Variants in CACNB2 observed in about 807,000 individuals in gnomAD.
The protein encoded by CACNB2 is calcium voltage-gated channel auxiliary subunit beta 2, also known as voltage-dependent L-type calcium channel subunit beta-2.
Under a neutral mutation model 73.3 loss-of-function variants are expected in CACNB2, and 42 were observed. The ratio of observed to expected loss-of-function variants is 0.57; its 90% CI spans 0.45 to 0.74. The LOEUF (loss-of-function observed/expected upper bound fraction) is 0.74. CACNB2 is among the 30% of genes least tolerant of loss of function. The probability of loss-of-function intolerance (pLI) is 0.00; values close to 1 mark genes in which losing one functional copy is unlikely to be tolerated. For synonymous variants in CACNB2, 348 were observed against 310.3 expected, an observed-to-expected ratio of 1.12 and a Z score of -1.28; for missense variants, 940 against 853.0, an observed-to-expected ratio of 1.10 and a Z score of -1.27.
intron 9 of CACNB2, among the ~76,000 whole-genome samples, chr10:18,523,641 T>C (rs1489603245): frequency 6.6e-6 from 1 of 152,204 alleles, no homozygotes; most frequent in Non-Finnish European, 1.5e-5. Flanking sequence ...TTAAAAGCTG[T>C]GTACAAATTT....
intron 3 of CACNB2, among the ~76,000 whole-genome samples, chr10:18,459,892 G>A (rs763679681): frequency 6.6e-6 from 1 of 152,126 alleles, no homozygotes; most frequent in Non-Finnish European, 1.5e-5. Flanking sequence ...CAGCTACTCG[G>A]GAGGCTGAGG....
chr10:18,293,613 AGTT>A lies in CACNB2; in HGVS notation c.214-108306_214-108304del, dbSNP rs2039157220. 2.6e-5 allele frequency among the ~76,000 whole-genome samples: 4 copies of A among 152,324 alleles called. No homozygotes were observed. The South Asian group carries it at 8.3e-4, about 32-fold the overall frequency. The stretch of plus-strand genomic sequence containing the variant: ...ATGCTAATATTTTTTGAAAAGTTCA[AGTT>A]GTTGGCTAAAAATTTAGGAGCACTT... On this transcript the variant is annotated intron_variant, in intron 2 of 13. Transcript: ENST00000324631.
At chr10:18,163,823 G>C (rs1235647423) in intron 2 of CACNB2, among the ~76,000 whole-genome samples, 1 of 152,146 alleles carries the variant, frequency 6.6e-6, no homozygotes, top group African/African-American at 2.4e-5. Flanking sequence ...GAGAGACCAG[G>C]ACCCCAGAGC....
At chr10:18,495,086 C>G (rs995223617) in intron 3 of CACNB2, among the ~76,000 whole-genome samples, 3 of 152,022 alleles carry the variant, frequency 2.0e-5, no homozygotes, top group African/African-American at 7.3e-5. Flanking sequence ...CTCTGGGACT[C>G]CATCCTAAGA....
At chr10:18,452,299 A>G (rs2047055316) in intron 3 of CACNB2, among the ~76,000 whole-genome samples, 1 of 152,100 alleles carries the variant, frequency 6.6e-6, no homozygotes, top group African/African-American at 2.4e-5. Flanking sequence ...GTGGTGGGGC[A>G]TGACTATAGT....
intron 2 of CACNB2, among the ~76,000 whole-genome samples, chr10:18,387,236 A>G (rs1047288557): frequency 6.6e-6 from 1 of 152,128 alleles, no homozygotes; most frequent in African/African-American, 2.4e-5. Context: ...CAGCCTAAAT[A>G]TCTATTTCCC....
At chr10:18,261,159 C>T (rs566541496) in intron 2 of CACNB2, 5 of 1,543,390 alleles carry the variant, frequency 3.2e-6, no homozygotes, top group East Asian at 4.9e-5. Flanking sequence ...TTGCTCATGC[C>T]TCTTACCTGG....
chr10:18,427,990 C>T (rs948656707), intron 3 of CACNB2, among the ~76,000 whole-genome samples: 3 of 152,040 alleles, frequency 2.0e-5, no homozygotes, highest in Admixed American at 6.5e-5. Context: ...AAGCTTTTTA[C>T]ATTTCTTTTT....
chr10:18,531,051 A>T (rs2052972730), intron 10 of CACNB2, among the ~76,000 whole-genome samples: 1 of 152,216 alleles, frequency 6.6e-6, no homozygotes, highest in African/African-American at 2.4e-5. Flanking sequence ...TTTTGTGTGT[A>T]GTAATTATGA....
chr10:18,155,319 T>A (rs1051897768), intron 2 of CACNB2, among the ~76,000 whole-genome samples: 1 of 152,258 alleles, frequency 6.6e-6, no homozygotes, highest in Non-Finnish European at 1.5e-5. Context: ...CTGAATTCTT[T>A]CACTGAACAT....
At position 18,322,942 on chromosome 10, in the gene CACNB2, A is replaced by G. The variant is rs79217353; in HGVS notation, c.214-78982A>G. 4.1e-3 allele frequency among the ~76,000 whole-genome samples: 617 copies of G among 149,626 alleles called. 5 individuals are homozygous for G. The highest frequency in any genetic ancestry group is 0.014 in the African/African-American group (565 of 40,862). ...AAGAAAAATGATAGCCACTACCTTA[A>G]CTTTTATGGTGATATTCTTTTTTTT... On this transcript the variant is annotated intron_variant, in intron 2 of 13. Transcript: ENST00000324631.
At chr10:18,513,503 AG>A (rs1395273313) in intron 6 of CACNB2, 3 of 314,038 alleles carry the variant, frequency 9.6e-6, no homozygotes, top group African/African-American at 6.5e-5. Context: ...TCCTTTGCAA[AG>A]CTTCGTGAAC....
intron 2 of CACNB2, among the ~76,000 whole-genome samples, chr10:18,225,985 G>A (rs905918099): frequency 2.0e-5 from 3 of 151,792 alleles, no homozygotes; most frequent in Non-Finnish European, 1.5e-5. Flanking sequence ...GGGCAGGCTA[G>A]CATGATGAGA....
At chr10:18,335,565 A>C (rs2040967139) in intron 2 of CACNB2, among the ~76,000 whole-genome samples, 1 of 152,162 alleles carries the variant, frequency 6.6e-6, no homozygotes, top group Admixed American at 6.5e-5. Flanking sequence ...AGCCTGGGCA[A>C]CAGAGCGAGA....
chr10:18,163,899 G>T (rs1435530865), intron 2 of CACNB2, among the ~76,000 whole-genome samples: 10 of 152,260 alleles, frequency 6.6e-5, no homozygotes, highest in Admixed American at 5.9e-4. Context: ...ACGTGGAGAA[G>T]CAGTGCTTTC....
At chr10:18,372,361 A>G (rs2042622918) in intron 2 of CACNB2, among the ~76,000 whole-genome samples, 1 of 152,124 alleles carries the variant, frequency 6.6e-6, no homozygotes, top group South Asian at 2.1e-4. Context: ...TTTTTAATCC[A>G]TCTTGAATTA....
chr10:18,503,596 C>CA (rs1412598846), intron 5 of CACNB2, among the ~76,000 whole-genome samples: 2 of 151,666 alleles, frequency 1.3e-5, no homozygotes, highest in Non-Finnish European at 2.9e-5. Context: ...AAAAAACAAA[C>CA]AAAAAAAAGA....
intron 3 of CACNB2, among the ~76,000 whole-genome samples, chr10:18,462,323 C>T (rs934141702): frequency 2.0e-5 from 3 of 151,992 alleles, no homozygotes; most frequent in African/African-American, 7.3e-5. Flanking sequence ...GTACAATCCG[C>T]AGCTCACTGC....
At chr10:18,375,327 T>C (rs986456176) in intron 2 of CACNB2, among the ~76,000 whole-genome samples, 3 of 152,238 alleles carry the variant, frequency 2.0e-5, no homozygotes, top group Non-Finnish European at 4.4e-5. Context: ...AAGATACATG[T>C]ATCTTTATTA....
Sources: gnomAD v4.1 joint callset for allele counts (sites outside exome capture counted in the v4.1 genomes callset) on GRCh38, gnomAD v4.1.1 for gene constraint, MANE v1.5 for transcripts, NCBI Gene and HGNC (gene_info 2026-07-23, HGNC 2026-07-21) for gene names.